Variants in CHRM2 observed in about 807,000 individuals in gnomAD.
CHRM2 encodes the protein cholinergic receptor muscarinic 2, also known as muscarinic acetylcholine receptor M2.
A neutral mutation model predicts 25.0 loss-of-function variants in CHRM2; 8 were observed. The observed-to-expected ratio is 0.32, with a 90% CI of 0.19 to 0.58. The LOEUF (loss-of-function observed/expected upper bound fraction) is 0.58. Ranked by LOEUF, CHRM2 falls within the 20% of genes least tolerant of loss-of-function variation. CHRM2 has a pLI of 0.88. For synonymous variants in CHRM2, 202 were observed against 205.7 expected, an observed-to-expected ratio of 0.98 and a Z score of 0.15; for missense variants, 440 against 567.1, an observed-to-expected ratio of 0.78 and a Z score of 2.28.
chr7:136,949,577 A>G (rs1800275357), intron 2 of CHRM2, among the ~76,000 whole-genome samples: 1 of 151,934 alleles, frequency 6.6e-6, no homozygotes, highest in Non-Finnish European at 1.5e-5. Context: ...GAAATAAGTT[A>G]TGATTGTGCC....
chr7:136,905,411 T>C (rs755863247), intron 2 of CHRM2, among the ~76,000 whole-genome samples: 5 of 151,846 alleles, frequency 3.3e-5, no homozygotes, highest in African/African-American at 4.8e-5. Context: ...GATTTGTAGC[T>C]GTATTTGCAT....
intron 3 of CHRM2, among the ~76,000 whole-genome samples, chr7:137,002,843 C>T (rs543394705): frequency 4.6e-5 from 7 of 152,186 alleles, no homozygotes; most frequent in South Asian, 4.1e-4. Context: ...TTAGAATCAA[C>T]TGTTAAATTA....
In CHRM2 at chr7:137,016,084, G is replaced by A; in HGVS notation, c.1219G>A (p.Val407Met). ...CACTTGGGCCCCATACAATGTCATG[G>A]TGCTCATTAACACCTTTTGTGCACC... ...IITWAPYNVM[V>M]LINTFCAPCI... is the part of the protein sequence containing the mutation. The change falls in exon 4 of 4, where the codon GTG (valine) becomes ATG (methionine). Residue 407 changes from valine to methionine, a missense_variant. Physicochemically the swap from Val to Met is conservative, Grantham distance 21. Around this residue, in one of 5 missense-constraint regions of CHRM2, gnomAD observed 65 missense variants for 108.9 expected, o/e 0.60. Transcript: ENST00000680005. The A allele has an allele frequency of 6.2e-7, 1 of 1,612,414 alleles. No individual in the cohort carries two copies. Among genetic ancestry groups the A allele is most frequent in the East Asian group, 2.2e-5 (1 of 44,788 alleles).
At chr7:136,912,137 A>G (rs985910738) in intron 2 of CHRM2, among the ~76,000 whole-genome samples, 16 of 151,870 alleles carry the variant, frequency 1.1e-4, no homozygotes, top group Non-Finnish European at 1.8e-4. Flanking sequence ...TTTTAATATC[A>G]TAAAGATAAT....
chr7:136,883,269 C>T (rs1018929984), intron 2 of CHRM2, among the ~76,000 whole-genome samples: 1 of 152,140 alleles, frequency 6.6e-6, no homozygotes, highest in African/African-American at 2.4e-5. Flanking sequence ...TCTTCAGCCT[C>T]CGGTGTCTCC....
chr7:136,961,237 G>A (rs1236947903), intron 2 of CHRM2, among the ~76,000 whole-genome samples: 1 of 152,080 alleles, frequency 6.6e-6, no homozygotes. Context: ...ACTACATGAG[G>A]TATTCAGCAC....
chr7:137,004,482 T>G (rs1199080989), intron 3 of CHRM2, among the ~76,000 whole-genome samples: 1 of 152,058 alleles, frequency 6.6e-6, no homozygotes, highest in Non-Finnish European at 1.5e-5. Flanking sequence ...GGAGTCAGGG[T>G]ATTTAAATAT....
chr7:136,944,472 TA>T (rs1278067814), intron 2 of CHRM2, among the ~76,000 whole-genome samples: 5 of 81,476 alleles, frequency 6.1e-5, no homozygotes, highest in African/African-American at 3.2e-4. Flanking sequence ...TGTATGTATG[TA>T]TGTGTGTGTG....
chr7:136,985,199 C>G (rs1802766011), intron 2 of CHRM2, among the ~76,000 whole-genome samples: 3 of 152,108 alleles, frequency 2.0e-5, no homozygotes, highest in Admixed American at 2.0e-4. Flanking sequence ...TGACCAGCTA[C>G]TAGGATTTTA....
intron 2 of CHRM2, among the ~76,000 whole-genome samples, chr7:136,962,403 G>T (rs554642083): frequency 1.3e-5 from 2 of 152,266 alleles, no homozygotes; most frequent in African/African-American, 4.8e-5. Flanking sequence ...CCAATGTGCT[G>T]GGATTACAGG....
intron 2 of CHRM2, among the ~76,000 whole-genome samples, chr7:136,918,153 A>C (rs1798226067): frequency 3.3e-5 from 5 of 152,104 alleles, no homozygotes; most frequent in Admixed American, 3.3e-4. Flanking sequence ...ATCATAAAGC[A>C]CTGAAACTCG....
intron 2 of CHRM2, among the ~76,000 whole-genome samples, chr7:136,954,154 A>G (rs982318116): frequency 5.3e-5 from 8 of 152,194 alleles, no homozygotes; most frequent in African/African-American, 1.9e-4. Flanking sequence ...AAGGCCATCT[A>G]GATTCTTCTC....
chr7:136,906,639 AGTTTT>A (rs1327722521), intron 2 of CHRM2, among the ~76,000 whole-genome samples: 1 of 151,690 alleles, frequency 6.6e-6, no homozygotes, highest in African/African-American at 2.4e-5. Flanking sequence ...ATTTAATACT[AGTTTT>A]GTTTTAATAA....
At chr7:137,005,756 T>C (rs10488602) in intron 3 of CHRM2, among the ~76,000 whole-genome samples, 25,211 of 152,074 alleles carry the variant, frequency 0.17, 2,738 homozygotes, top group East Asian at 0.44. Context: ...TCTATCATAG[T>C]CCTAAAAAGC....
chr7:136,953,057 T>C (rs1184651166), intron 2 of CHRM2, among the ~76,000 whole-genome samples: 4 of 152,192 alleles, frequency 2.6e-5, no homozygotes, highest in African/African-American at 9.7e-5. Context: ...TGTGTCTTTA[T>C]GATAGAACTA....
At chr7:136,941,373 A>G (rs1799762204) in intron 2 of CHRM2, among the ~76,000 whole-genome samples, 4 of 152,224 alleles carry the variant, frequency 2.6e-5, no homozygotes, top group African/African-American at 9.6e-5. Context: ...ATGAGAAAAT[A>G]AATTTCCAAA....
At position 137,015,441 on chromosome 7, in the gene CHRM2, T is replaced by C. The variant is rs1293483630; in HGVS notation, c.576T>C (p.Ile192=). ...SNAAVTFGTA[I]AAFYLPVIIM... ...CTGCTGTCACCTTTGGTACGGCTAT[T>C]GCAGCCTTCTATTTGCCAGTGATCA... Residue 192 remains isoleucine, a synonymous_variant, in exon 4 of 4, where the codon ATT becomes ATC. Transcript: ENST00000680005. The surrounding 1 kb of genome is among the most constrained non-coding windows in gnomAD (Gnocchi z 5.1). 2.5e-6 allele frequency: 4 copies of C among 1,613,418 alleles called. No homozygotes were observed. Among genetic ancestry groups the C allele is most frequent in the South Asian group, 1.1e-5 (1 of 91,080 alleles).
chr7:136,927,287 C>T (rs561366165), intron 2 of CHRM2, among the ~76,000 whole-genome samples: 63 of 152,226 alleles, frequency 4.1e-4, no homozygotes, highest in African/African-American at 1.4e-3. Context: ...GAAACCTAAT[C>T]TTCTGGATTA....
intron 2 of CHRM2, among the ~76,000 whole-genome samples, chr7:136,916,115 G>C (rs1798093225): frequency 7.0e-6 from 1 of 143,612 alleles, no homozygotes; most frequent in African/African-American, 2.5e-5. Flanking sequence ...ACTATGCACT[G>C]TTTGTAGGGA....
Sources: gnomAD v4.1 joint callset for allele counts (sites outside exome capture counted in the v4.1 genomes callset) on GRCh38, gnomAD v4.1.1 for gene constraint, gnomAD v4.1.1 regional missense constraint, Gnocchi (gnomAD v3.1) non-coding constraint, MANE v1.5 for transcripts, NCBI Gene and HGNC (gene_info 2026-07-23, HGNC 2026-07-21) for gene names.